Variants in PPP2R1B observed in about 807,000 individuals in gnomAD.
The protein encoded by PPP2R1B is serine/threonine-protein phosphatase 2A 65 kDa regulatory subunit A beta isoform.
In PPP2R1B, 58 loss-of-function variants were observed where a neutral mutation model predicts 72.7. The observed-to-expected ratio is 0.80, with a 90% CI of 0.65 to 0.99. PPP2R1B has a LOEUF of 0.99. Among genes scored for constraint, PPP2R1B ranks in the 50% least tolerant of loss-of-function variants. The probability of loss-of-function intolerance (pLI) is 0.00; values close to 1 mark genes in which losing one functional copy is unlikely to be tolerated. For missense variants in PPP2R1B, 695 were observed against 733.6 expected (o/e 0.95, Z 0.61); for synonymous variants, 256 against 264.6 (o/e 0.97, Z 0.32).
downstream of PPP2R1B, chr11:111,726,895 A>C: frequency 2.0e-6 from 3 of 1,473,866 alleles, no homozygotes; most frequent in Non-Finnish European, 1.9e-6. Context: ...TGAGGTAAAA[A>C]TTTCGTTCGG....
chr11:111,755,585 T>G, intron 5 of PPP2R1B, 135 bp from the exon 6 acceptor site: 1 of 723,742 alleles, frequency 1.4e-6, no homozygotes, highest in Non-Finnish European at 2.0e-6. Context: ...TCTTGACATC[T>G]TTTTCTTTTT....
rs782578400 is a variant in PPP2R1B, at chr11:111,753,541, C to A, written c.1066G>T (p.Ala356Ser). ...AATCCCATAATTACAGAAGCTAGAG[C>A]CGATTTGACATGTTGATTGGTATCG... The part of the protein sequence containing the change: ...VSDTNQHVKS[A>S]LASVIMGLST... The change falls in exon 9 of 15, where the codon GCT becomes TCT. Residue 356 changes from alanine to serine, a missense_variant. Transcript: ENST00000527614. The A allele has an allele frequency of 1.2e-6, 2 of 1,612,706 alleles. No homozygotes were observed. Among genetic ancestry groups the A allele is most frequent in the Non-Finnish European group, 1.7e-6 (2 of 1,179,218 alleles).
intron 3 of PPP2R1B, among the ~76,000 whole-genome samples, chr11:111,762,113 C>G (rs1945350965): frequency 6.6e-6 from 1 of 152,210 alleles, no homozygotes; most frequent in African/African-American, 2.4e-5. Flanking sequence ...CTCTCTGAAC[C>G]TCTGCCTTAC....
chr11:111,756,881 A>G (rs1555049859), intron 5 of PPP2R1B, among the ~76,000 whole-genome samples: 1 of 152,200 alleles, frequency 6.6e-6, no homozygotes, highest in African/African-American at 2.4e-5. Context: ...TGGGAGGCCG[A>G]GGCAGGCGGA....
chr11:111,707,094 C>G, the PPP2R1B span, among the ~76,000 whole-genome samples: 123 of 151,996 alleles, frequency 8.1e-4, no homozygotes, highest in Middle Eastern at 3.4e-3. Context: ...CTTTCAAGAC[C>G]GAGAAAGAAG....
At chr11:111,743,831 C>T (rs563387250) in intron 11 of PPP2R1B, among the ~76,000 whole-genome samples, 2 of 152,312 alleles carry the variant, frequency 1.3e-5, no homozygotes, top group Admixed American at 6.5e-5. Flanking sequence ...AAGAAATATG[C>T]TCTTATCAGA....
the PPP2R1B span, among the ~76,000 whole-genome samples, chr11:111,710,416 G>C: frequency 2.6e-5 from 4 of 152,154 alleles, no homozygotes; most frequent in African/African-American, 9.7e-5. Flanking sequence ...AGTATAGCCA[G>C]TGATATTAAT....
chr11:111,755,651 A>C (rs1350114221), intron 5 of PPP2R1B, among the ~76,000 whole-genome samples: 1 of 147,290 alleles, frequency 6.8e-6, no homozygotes, highest in Non-Finnish European at 1.5e-5. Context: ...GTGCAGTGGC[A>C]CAATCTCCGC....
At chr11:111,747,186 C>G (rs946178318) in intron 11 of PPP2R1B, among the ~76,000 whole-genome samples, 5 of 152,204 alleles carry the variant, frequency 3.3e-5, no homozygotes, top group African/African-American at 1.2e-4. Flanking sequence ...TAGGGGCACT[C>G]ACACTCATCG....
chr11:111,691,241 A>C, the PPP2R1B span, among the ~76,000 whole-genome samples: 1 of 152,288 alleles, frequency 6.6e-6, no homozygotes, highest in East Asian at 1.9e-4. Flanking sequence ...TCTAATCTTC[A>C]AGCCCTTCTA....
chr11:111,726,223 C>T (rs1162203699), downstream of PPP2R1B: 5 of 152,198 alleles, frequency 3.3e-5, no homozygotes, highest in Admixed American at 3.3e-4. Flanking sequence ...ATGGGGGCCA[C>T]TCATTTCAGA....
At chr11:111,710,801 G>C in the PPP2R1B span, among the ~76,000 whole-genome samples, 1 of 152,196 alleles carries the variant, frequency 6.6e-6, no homozygotes, top group African/African-American at 2.4e-5. Context: ...ATGGAGCCAG[G>C]AATCAAACTC....
chr11:111,728,861 T>A (rs906283348), intron 15 of PPP2R1B: 2 of 151,256 alleles, frequency 1.3e-5, no homozygotes, highest in Admixed American at 6.6e-5. Flanking sequence ...GAGGTGGAGC[T>A]TGCAGTGAGC....
chr11:111,695,033 C>T, the PPP2R1B span, among the ~76,000 whole-genome samples: 1 of 152,110 alleles, frequency 6.6e-6, no homozygotes, highest in African/African-American at 2.4e-5. Context: ...TGGTGGGCAA[C>T]AAAGTATGCA....
the PPP2R1B span, among the ~76,000 whole-genome samples, chr11:111,691,833 A>C: frequency 1.3e-5 from 2 of 152,324 alleles, no homozygotes; most frequent in South Asian, 4.1e-4. Flanking sequence ...CAAGACAAAA[A>C]CAGCAGCAGT....
chr11:111,758,083 A>G (rs1945189762), intron 5 of PPP2R1B, among the ~76,000 whole-genome samples: 1 of 152,142 alleles, frequency 6.6e-6, no homozygotes, highest in South Asian at 2.1e-4. Context: ...TAACAACATC[A>G]TCTCATGCTG....
At chr11:111,712,885 C>G in the PPP2R1B span, among the ~76,000 whole-genome samples, 6,722 of 152,276 alleles carry the variant, frequency 0.044, 219 homozygotes, top group Non-Finnish European at 0.066. Context: ...ATGTGCTGGG[C>G]CAGGCACAGT....
the PPP2R1B span, chr11:111,721,016 C>G: frequency 1.2e-6 from 2 of 1,614,066 alleles, no homozygotes; most frequent in Non-Finnish European, 1.7e-6. Context: ...CCTAACCTGG[C>G]GCCGGCGGCT....
chr11:111,742,895 TTTC>T (rs1565438959), intron 12 of PPP2R1B, among the ~76,000 whole-genome samples: 1 of 151,892 alleles, frequency 6.6e-6, no homozygotes, highest in Non-Finnish European at 1.5e-5. Flanking sequence ...TTTTTTTTTT[TTTC>T]AGGCGGAGTT....
Sources: allele counts gnomAD v4.1 joint callset (sites outside exome capture counted in the v4.1 genomes callset), GRCh38; gene constraint gnomAD v4.1.1; transcripts MANE v1.5; gene names NCBI Gene and HGNC (gene_info 2026-07-23, HGNC 2026-07-21).